The following LIMA1 variants were observed in gnomAD, a reference collection of about 807,000 sequenced individuals.
LIMA1 encodes the protein LIM domain and actin binding 1, also known as LIM domain and actin-binding protein 1.
LIMA1 carries 52 observed loss-of-function variants against 62.6 expected under a neutral mutation model. That is an observed-to-expected ratio of 0.83 (90% CI 0.67 to 1.05). LIMA1 has a LOEUF of 1.05. Ranked by LOEUF, LIMA1 falls within the 50% of genes least tolerant of loss-of-function variation. LIMA1 has a pLI of 0.00. For missense variants in LIMA1, 780 were observed against 902.2 expected, an observed-to-expected ratio of 0.86 and a Z score of 1.74; for synonymous variants, 302 against 317.8, an observed-to-expected ratio of 0.95 and a Z score of 0.53.
chr12:50,177,484 C>T lies in LIMA1; in HGVS notation c.1860G>A (p.Glu620=). 6.2e-7 allele frequency: 1 copy of T among 1,613,858 alleles called. No individual in the cohort carries two copies. The highest frequency in any genetic ancestry group is 1.6e-4 in the Middle Eastern group (1 of 6,062). The part of the protein sequence containing the change: ...PPIRKGWSMS[E]QSEESVGGRV... ...TTCCACCCACAGACTCTTCACTCTG[C>T]TCTGACATGCTCCAGCCTTTCCTGA... is the stretch of plus-strand genomic sequence containing the variant. Residue 620 remains glutamate, a synonymous_variant, in exon 11 of 11, where the codon GAG becomes GAA. Coordinates refer to ENST00000341247, the MANE Select transcript of LIMA1 (RefSeq NM_016357.5).
intron 1 of LIMA1, among the ~76,000 whole-genome samples, chr12:50,273,933 C>T (rs75030794): frequency 0.021 from 3,206 of 152,172 alleles, 111 homozygotes; most frequent in African/African-American, 0.074. Context: ...TAGTATAATC[C>T]AGAGTAACAA....
intron 4 of LIMA1, among the ~76,000 whole-genome samples, chr12:50,208,214 G>A (rs974890617): frequency 7.9e-5 from 12 of 152,018 alleles, no homozygotes; most frequent in Non-Finnish European, 1.6e-4. Context: ...GACTGGGCAC[G>A]GTGGCTCACG....
chr12:50,197,006 C>T (rs1228957488), intron 7 of LIMA1, among the ~76,000 whole-genome samples: 2 of 151,986 alleles, frequency 1.3e-5, no homozygotes, highest in Non-Finnish European at 2.9e-5. Flanking sequence ...TTAGTAGGTA[C>T]CTCCATCCCA....
intron 1 of LIMA1, among the ~76,000 whole-genome samples, chr12:50,274,106 C>T (rs567459980): frequency 2.5e-4 from 38 of 152,254 alleles, no homozygotes; most frequent in African/African-American, 9.1e-4. Flanking sequence ...CTGATTTGAA[C>T]CCAGATGGAC....
chr12:50,191,108 C>CAAAAAAAAA lies in LIMA1; in HGVS notation c.1140+1335_1140+1343dup, dbSNP rs745749669. ...TGGGTGACAAAGTGAGAACCTGTCT[C>CAAAAAAAAA]AAAAAAAAAAAAAAAAAAAAAAGCT... On this transcript the variant is annotated intron_variant, in intron 9 of 10. Transcript: ENST00000341247. Among the ~76,000 whole-genome samples the CAAAAAAAAA allele has an allele frequency of 1.5e-4, 7 of 46,720 alleles. No individual in the cohort carries two copies. In the Admixed American group the frequency reaches 1.6e-3, roughly 11 times the overall value. The allele number at this position is 46,720 out of a possible 152,430, so 30.7% of individuals were successfully genotyped here.
chr12:50,211,562 T>C (rs77404062), intron 4 of LIMA1, among the ~76,000 whole-genome samples: 1,797 of 151,888 alleles, frequency 0.012, 41 homozygotes, highest in African/African-American at 0.04. Flanking sequence ...AGTGGGATGA[T>C]TGAGTCCAGG....
intron 8 of LIMA1, among the ~76,000 whole-genome samples, chr12:50,193,631 C>CGTGTGT (rs67491136): frequency 4.0e-4 from 34 of 86,022 alleles, no homozygotes; most frequent in African/African-American, 1.7e-3. Flanking sequence ...CATATATATA[C>CGTGTGT]GTGTGTGTGT....
At chr12:50,231,257 T>C (rs1386109883) in intron 3 of LIMA1, among the ~76,000 whole-genome samples, 2 of 152,108 alleles carry the variant, frequency 1.3e-5, no homozygotes, top group Non-Finnish European at 2.9e-5. Flanking sequence ...GAAGTTTGCT[T>C]TAAACAAAAA....
intron 1 of LIMA1, among the ~76,000 whole-genome samples, chr12:50,252,433 TAGCTGGGCGTGG>T (rs1490051806): frequency 1.3e-5 from 2 of 151,900 alleles, no homozygotes; most frequent in African/African-American, 4.8e-5. Flanking sequence ...TACAAAAAAT[TAGCTGGGCGTGG>T]TGGCACGCGC....
chr12:50,223,982 G>A (rs1439384179), intron 3 of LIMA1, among the ~76,000 whole-genome samples: 7 of 151,868 alleles, frequency 4.6e-5, no homozygotes, highest in Non-Finnish European at 1.0e-4. Context: ...AGGTTGCAGT[G>A]AGCCCAAATC....
chr12:50,200,948 A>T, intron 6 of LIMA1, 64 bp from the exon 7 acceptor site: 2 of 1,573,244 alleles, frequency 1.3e-6, no homozygotes, highest in Non-Finnish European at 8.6e-7. Context: ...TCTTCATAGC[A>T]CATCTATTAG....
intron 1 of LIMA1, among the ~76,000 whole-genome samples, chr12:50,281,257 A>T (rs2138721701): frequency 6.6e-6 from 1 of 152,258 alleles, no homozygotes; most frequent in East Asian, 1.9e-4. Flanking sequence ...AGAATTTGAA[A>T]CCTGAAGAAA....
intron 1 of LIMA1, among the ~76,000 whole-genome samples, chr12:50,279,303 C>A (rs1296983192): frequency 6.7e-6 from 1 of 150,126 alleles, no homozygotes; most frequent in East Asian, 1.9e-4. Flanking sequence ...TCACACCCGG[C>A]CTGTTTTTTC....
intron 4 of LIMA1, among the ~76,000 whole-genome samples, chr12:50,219,253 G>A (rs1284841016): frequency 6.6e-6 from 1 of 152,150 alleles, no homozygotes; most frequent in Non-Finnish European, 1.5e-5. Context: ...GGAGGCTTGA[G>A]GCAGGCAGAT....
chr12:50,205,708 G>A (rs1006934751), intron 5 of LIMA1, among the ~76,000 whole-genome samples: 1 of 150,352 alleles, frequency 6.7e-6, no homozygotes, highest in Non-Finnish European at 1.5e-5. Flanking sequence ...ACTAACAAGG[G>A]TGGATTAAAA....
At chr12:50,182,101 A>G (rs1460345301) in intron 9 of LIMA1, 64 bp from the exon 10 acceptor site, 4 of 1,578,658 alleles carry the variant, frequency 2.5e-6, no homozygotes, top group Non-Finnish European at 3.5e-6. Context: ...CTTGAGATGG[A>G]CCCTAGAATT....
At chr12:50,196,121 G>A in intron 7 of LIMA1, 1 of 437,552 alleles carries the variant, frequency 2.3e-6, no homozygotes, top group Non-Finnish European at 4.0e-6. Context: ...GAAACAGACT[G>A]CACTCAACTG....
chr12:50,270,063 C>T (rs920148622), intron 1 of LIMA1, among the ~76,000 whole-genome samples: 3 of 150,382 alleles, frequency 2.0e-5, no homozygotes, highest in South Asian at 2.1e-4. Context: ...GGAGAAACCC[C>T]GTCTCTACTA....
intron 1 of LIMA1, among the ~76,000 whole-genome samples, chr12:50,258,153 G>T (rs1187838956): frequency 1.3e-5 from 2 of 152,078 alleles, no homozygotes; most frequent in East Asian, 3.9e-4. Context: ...TCCCCAAGGA[G>T]CCCTGTTTTC....
Sources: allele counts gnomAD v4.1 joint callset (sites outside exome capture counted in the v4.1 genomes callset), GRCh38; gene constraint gnomAD v4.1.1; transcripts MANE v1.5; gene names NCBI Gene and HGNC (gene_info 2026-07-23, HGNC 2026-07-21).